Variants in AHNAK observed in about 807,000 individuals in gnomAD.
AHNAK encodes neuroblast differentiation-associated protein AHNAK.
A neutral mutation model predicts 37.8 loss-of-function variants in AHNAK; 23 were observed. The observed-to-expected ratio is 0.61, with a 90% CI of 0.44 to 0.86. The LOEUF (loss-of-function observed/expected upper bound fraction) is 0.86, where lower values mean the gene tolerates loss of function less well. AHNAK is among the 40% of genes least tolerant of loss of function. The pLI, the probability that AHNAK is intolerant of heterozygous loss-of-function variation, is 0.00. For missense variants in AHNAK, 7,411 were observed against 7,319.4 expected (o/e 1.01, Z -0.46); for synonymous variants, 2,481 against 2,636.3 (o/e 0.94, Z 1.80).
intron 5 of AHNAK, among the ~76,000 whole-genome samples, chr11:62,468,903 C>A (rs1006312705): frequency 6.6e-6 from 1 of 152,210 alleles, no homozygotes; most frequent in African/African-American, 2.4e-5. Flanking sequence ...TTAAAGTTAA[C>A]CTCCTCTGCT....
intron 5 of AHNAK, among the ~76,000 whole-genome samples, chr11:62,475,639 C>T (rs1212676939): frequency 1.5e-5 from 2 of 134,066 alleles, no homozygotes; most frequent in Non-Finnish European, 3.1e-5. Context: ...GAGTCTCACT[C>T]TGTCACCCAG....
downstream of AHNAK, among the ~76,000 whole-genome samples, chr11:62,513,687 G>A (rs1939956603): frequency 1.3e-5 from 2 of 152,114 alleles, no homozygotes; most frequent in South Asian, 2.1e-4. Flanking sequence ...CCATGCCGTC[G>A]CTGCTGTGGT....
intron 4 of AHNAK, among the ~76,000 whole-genome samples, chr11:62,492,910 A>G (rs1939529339): frequency 7.8e-6 from 1 of 128,108 alleles, no homozygotes; most frequent in Non-Finnish European, 1.5e-5. Context: ...TCCCCAGGGG[A>G]TAGTAACCCA....
intron 5 of AHNAK, among the ~76,000 whole-genome samples, chr11:62,487,006 C>T (rs979429237): frequency 1.3e-5 from 2 of 151,752 alleles, no homozygotes; most frequent in African/African-American, 4.8e-5. Context: ...CAGAGAACAT[C>T]GTGAAAGAGG....
In AHNAK at chr11:62,525,695, T is replaced by G; in HGVS notation, c.8722A>C (p.Lys2908Gln). The G allele has an allele frequency of 6.2e-7, 1 of 1,613,634 alleles. No homozygotes were observed. The highest frequency in any genetic ancestry group is 8.5e-7 in the Non-Finnish European group (1 of 1,179,922). The change falls in exon 5 of 5, where the codon AAA becomes CAA. Residue 2908 changes from lysine (K) to glutamine (Q), a missense_variant. Lys to Gln is a moderately conservative substitution (Grantham distance 53). Transcript: ENST00000378024. ...ACATCCACTTCAGGGCCCTCTGCTT[T>G]GAAGCCAGGCATGCTGAACTTGGGC... ...KMPKFSMPGFKAEGPEVDVNL... is the reference protein window; with the variant it reads ...KMPKFSMPGFQAEGPEVDVNL...
At chr11:62,477,886 G>A (rs537483296) in intron 5 of AHNAK, among the ~76,000 whole-genome samples, 47 of 152,226 alleles carry the variant, frequency 3.1e-4, no homozygotes, top group African/African-American at 1.1e-3. Flanking sequence ...TGGTTGTGCA[G>A]AAACCTGGAA....
intron 4 of AHNAK, among the ~76,000 whole-genome samples, chr11:62,499,170 G>C (rs992540605): frequency 6.6e-6 from 1 of 152,198 alleles, no homozygotes; most frequent in African/African-American, 2.4e-5. Context: ...TTCTAGGCCT[G>C]GGAAAGAGGA....
rs751766017 is a variant in AHNAK at position 62,532,016 on chromosome 11, A to G, written c.2401T>C (p.Leu801=). The G allele has an allele frequency of 1.9e-6, 3 of 1,611,168 alleles. No individual in the cohort carries two copies. The highest frequency in any genetic ancestry group is 1.1e-5 in the South Asian group (1 of 90,934). ...DVSIEEPEGK[L]KGPKFKMPEM... Reference sequence around the variant, plus strand: ...GGCATCTTAAACTTGGGCCCTTTCAATTTCCCTTCTGGTTCCTCAATGCTC... The same window carrying G: ...GGCATCTTAAACTTGGGCCCTTTCAGTTTCCCTTCTGGTTCCTCAATGCTC... The change falls in exon 5 of 5, where the codon TTG becomes CTG. Residue 801 remains leucine (L), a synonymous_variant. Transcript: ENST00000378024.
chr11:62,467,608 C>T (rs1367686936), intron 5 of AHNAK, among the ~76,000 whole-genome samples: 1 of 152,186 alleles, frequency 6.6e-6, no homozygotes, highest in Non-Finnish European at 1.5e-5. Context: ...TTGCTTGAAC[C>T]CGGGAGGCGG....
intron 5 of AHNAK, among the ~76,000 whole-genome samples, chr11:62,449,333 C>T (rs1283420677): frequency 6.6e-6 from 1 of 152,182 alleles, no homozygotes; most frequent in Non-Finnish European, 1.5e-5. Context: ...TTGGTCTCTC[C>T]AGCTCACCTG....
At chr11:62,460,501 AG>A (rs1938759890) in intron 5 of AHNAK, among the ~76,000 whole-genome samples, 1 of 152,194 alleles carries the variant, frequency 6.6e-6, no homozygotes, top group Non-Finnish European at 1.5e-5. Flanking sequence ...TGATAGTAGC[AG>A]GGGGCGGCTG....
At chr11:62,489,153 A>C (rs1207781283) in intron 5 of AHNAK, among the ~76,000 whole-genome samples, 1 of 151,032 alleles carries the variant, frequency 6.6e-6, no homozygotes, top group Non-Finnish European at 1.5e-5. Flanking sequence ...AGGCAGGAGG[A>C]TTGCTTGAAC....
rs975204036 is a variant in AHNAK at position 62,527,324 on chromosome 11, G to T, written c.7093C>A (p.Pro2365Thr). The T allele has an allele frequency of 6.2e-7, 1 of 1,613,624 alleles. No individual in the cohort carries two copies. The highest frequency in any genetic ancestry group is 8.5e-7 in the Non-Finnish European group (1 of 1,179,890). Residue 2365 changes from proline (P) to threonine (T), a missense_variant, in exon 5 of 5, where the codon CCA (proline) becomes ACA (threonine). Pro to Thr is a conservative substitution (Grantham distance 38). Coordinates refer to ENST00000378024, the MANE Select transcript of AHNAK (RefSeq NM_001620.3). ...ADMPEVAVEG[P>T]NGKWKTPKFK... The stretch of plus-strand genomic sequence containing the variant: ...TTAGGAGTTTTCCACTTGCCATTTG[G>T]GCCTTCCACAGCTACTTCTGGCATG...
At position 62,522,967 on chromosome 11, in the gene AHNAK, A is replaced by G; in HGVS notation, c.11450T>C (p.Phe3817Ser). 1 of 1,613,138 alleles carries G rather than the reference A, an allele frequency of 6.2e-7. No individual in the cohort carries two copies. Among genetic ancestry groups the G allele is most frequent in the Non-Finnish European group, 8.5e-7 (1 of 1,179,898 alleles). The change falls in exon 5 of 5, where the codon TTC (phenylalanine) becomes TCC (serine). Residue 3817 changes from phenylalanine to serine, a missense_variant. Phe to Ser is a radical substitution (Grantham distance 155). Transcript: ENST00000378024. ...VKMPKFSMPG[F>S]KGEGPDVDVN... Reference sequence around the variant, plus strand: ...ATCCACATCTGGGCCCTCTCCTTTGAAGCCAGGCATGCTGAACTTGGGCAT... The same window carrying G: ...ATCCACATCTGGGCCCTCTCCTTTGGAGCCAGGCATGCTGAACTTGGGCAT...
intron 5 of AHNAK, among the ~76,000 whole-genome samples, chr11:62,488,066 A>G (rs899204229): frequency 6.6e-6 from 1 of 152,194 alleles, no homozygotes; most frequent in African/African-American, 2.4e-5. Flanking sequence ...AGTTCCTCTA[A>G]GCTCCACAGA....
intron 5 of AHNAK, among the ~76,000 whole-genome samples, chr11:62,465,937 C>A (rs1938903125): frequency 6.6e-6 from 1 of 152,182 alleles, no homozygotes; most frequent in Non-Finnish European, 1.5e-5. Context: ...AGACAATAGC[C>A]TCCAGAACAA....
At chr11:62,433,641 C>G (rs1241297051) in exon 6 of AHNAK, 2 of 591,804 alleles carry the variant, frequency 3.4e-6, no homozygotes, top group Admixed American at 6.3e-5. Flanking sequence ...TAAGCCCACA[C>G]TCTGTCCCCT....
At chr11:62,466,572 T>C (rs1367727026) in intron 5 of AHNAK, among the ~76,000 whole-genome samples, 2 of 151,060 alleles carry the variant, frequency 1.3e-5, no homozygotes, top group African/African-American at 4.9e-5. Context: ...AACTTAGAAG[T>C]CATCCTTGAT....
At chr11:62,452,374 G>A (rs573888032) in intron 5 of AHNAK, among the ~76,000 whole-genome samples, 3 of 152,270 alleles carry the variant, frequency 2.0e-5, no homozygotes, top group East Asian at 1.9e-4. Context: ...TCTGGAACTC[G>A]TGCTACTCAG....
Sources: gnomAD v4.1 joint callset for allele counts (sites outside exome capture counted in the v4.1 genomes callset) on GRCh38, gnomAD v4.1.1 for gene constraint, MANE v1.5 for transcripts, NCBI Gene and HGNC (gene_info 2026-07-23, HGNC 2026-07-21) for gene names.